Variants in SUGCT observed in about 807,000 individuals in gnomAD.
The protein encoded by SUGCT is succinyl-CoA:glutarate CoA-transferase.
A neutral mutation model predicts 55.0 loss-of-function variants in SUGCT; 41 were observed. The observed-to-expected ratio is 0.74, with a 90% CI of 0.58 to 0.97. SUGCT has a LOEUF of 0.97. Ranked by LOEUF, SUGCT falls within the 50% of genes least tolerant of loss-of-function variation. The probability of loss-of-function intolerance (pLI) is 0.00; values close to 1 mark genes in which losing one functional copy is unlikely to be tolerated. For missense variants in SUGCT, 568 were observed against 547.8 expected, an observed-to-expected ratio of 1.04 and a Z score of -0.37; for synonymous variants, 187 against 200.4, an observed-to-expected ratio of 0.93 and a Z score of 0.56.
Position 40,180,955 on chromosome 7 carries a change from A to G in SUGCT, c.109A>G (p.Asn37Asp). The G allele has an allele frequency of 1.2e-6, 2 of 1,608,392 alleles. No individual in the cohort carries two copies. Among genetic ancestry groups the G allele is most frequent in the Non-Finnish European group, 1.7e-6 (2 of 1,175,216 alleles). The change falls in exon 2 of 14, where the codon AAT becomes GAT. Residue 37 changes from asparagine to aspartate, a missense_variant. Asn to Asp is a conservative substitution (Grantham distance 23, BLOSUM62 1). Coordinates refer to ENST00000335693, the MANE Select transcript of SUGCT (RefSeq NM_001193313.2). ...TTTCTCTGTTTTGCCAGATATGAAC[A>G]ATATAAAGCCATTGGAAGGGGTAAA... ...WTGRPQSDMN[N>D]IKPLEGVKIL...
chr7:41,002,066 G>T, the SUGCT span, among the ~76,000 whole-genome samples: 4 of 152,146 alleles, frequency 2.6e-5, no homozygotes, highest in African/African-American at 9.7e-5. Context: ...TGTTGCCAAG[G>T]CTGGAGTGCG....
intron 7 of SUGCT, among the ~76,000 whole-genome samples, chr7:40,240,996 G>A (rs1371421802): frequency 6.6e-6 from 1 of 152,198 alleles, no homozygotes; most frequent in African/African-American, 2.4e-5. Flanking sequence ...AGTGTCACTG[G>A]ATTATTGTGA....
intron 9 of SUGCT, among the ~76,000 whole-genome samples, chr7:40,442,213 A>C (rs2329775): frequency 0.34 from 51,910 of 151,922 alleles, 9,296 homozygotes; most frequent in African/African-American, 0.4. Context: ...TAATGCTAAT[A>C]TTGTATTCTT....
At chr7:40,922,425 T>G in the SUGCT span, among the ~76,000 whole-genome samples, 1 of 152,208 alleles carries the variant, frequency 6.6e-6, no homozygotes, top group Non-Finnish European at 1.5e-5. Context: ...ATTAGGTGGC[T>G]CTTGCAGTCT....
At chr7:40,651,363 A>G (rs778122868) in intron 12 of SUGCT, among the ~76,000 whole-genome samples, 3 of 150,728 alleles carry the variant, frequency 2.0e-5, no homozygotes, top group African/African-American at 4.9e-5. Flanking sequence ...TCTTTTTTTC[A>G]TGTTTCTTGG....
the SUGCT span, among the ~76,000 whole-genome samples, chr7:40,874,186 AG>A: frequency 9.8e-5 from 15 of 152,334 alleles, no homozygotes; most frequent in Admixed American, 9.8e-4. Context: ...GAAAGTCAAG[AG>A]GGTAATTTTT....
the SUGCT span, among the ~76,000 whole-genome samples, chr7:40,937,188 A>C: frequency 6.6e-6 from 1 of 152,070 alleles, no homozygotes; most frequent in Non-Finnish European, 1.5e-5. Context: ...CACCACCAAG[A>C]GATGAGGTCT....
intron 1 of SUGCT, among the ~76,000 whole-genome samples, chr7:40,137,182 C>A (rs796288725): frequency 1.2e-4 from 19 of 152,162 alleles, no homozygotes; most frequent in African/African-American, 4.3e-4. Flanking sequence ...GGCTGGAGTG[C>A]GGTGGTGAGA....
At chr7:40,169,684 C>T (rs1030798992) in intron 1 of SUGCT, among the ~76,000 whole-genome samples, 6 of 152,064 alleles carry the variant, frequency 3.9e-5, no homozygotes, top group Non-Finnish European at 7.4e-5. Flanking sequence ...CCCAGCCTTT[C>T]GCTTTTCCAA....
chr7:41,017,614 CA>C, the SUGCT span, among the ~76,000 whole-genome samples: 6 of 151,836 alleles, frequency 4.0e-5, no homozygotes, highest in African/African-American at 1.2e-4. Context: ...ACTGAAAATA[CA>C]AAAAACTTAG....
intron 9 of SUGCT, among the ~76,000 whole-genome samples, chr7:40,414,698 G>A (rs896162750): frequency 2.6e-5 from 4 of 151,964 alleles, no homozygotes; most frequent in African/African-American, 9.7e-5. Flanking sequence ...CTTGAGATCA[G>A]GAGTTCGAGA....
At chr7:40,995,073 C>G in the SUGCT span, among the ~76,000 whole-genome samples, 1 of 152,118 alleles carries the variant, frequency 6.6e-6, no homozygotes, top group Non-Finnish European at 1.5e-5. Flanking sequence ...GTCTAAAAAT[C>G]ACGTTCCCTT....
intron 12 of SUGCT, among the ~76,000 whole-genome samples, chr7:40,562,798 T>G (rs1795914020): frequency 6.6e-6 from 1 of 152,168 alleles, no homozygotes; most frequent in Non-Finnish European, 1.5e-5. Flanking sequence ...CTCCAAGGTT[T>G]GTGCTATGCA....
At chr7:40,538,687 G>T (rs1169053348) in intron 12 of SUGCT, 2 of 152,134 alleles carry the variant, frequency 1.3e-5, no homozygotes, top group African/African-American at 4.8e-5. Context: ...TGAGCGTCTG[G>T]GGAAATTTTT....
At chr7:40,822,328 T>G (rs1175179884) in intron 13 of SUGCT, among the ~76,000 whole-genome samples, 1 of 152,172 alleles carries the variant, frequency 6.6e-6, no homozygotes, top group Non-Finnish European at 1.5e-5. Flanking sequence ...TTGTTAACTT[T>G]CTGTCTCGTT....
At chr7:40,822,944 G>A (rs906988536) in intron 13 of SUGCT, among the ~76,000 whole-genome samples, 4 of 152,104 alleles carry the variant, frequency 2.6e-5, no homozygotes, top group Non-Finnish European at 5.9e-5. Context: ...TAAATATTCC[G>A]AAGGGATAGG....
At chr7:40,661,176 A>T (rs532275999) in intron 12 of SUGCT, among the ~76,000 whole-genome samples, 1 of 152,310 alleles carries the variant, frequency 6.6e-6, no homozygotes, top group Non-Finnish European at 1.5e-5. Context: ...CTCTTCTTAA[A>T]TGTTTTTAGC....
At chr7:41,005,373 C>T in the SUGCT span, among the ~76,000 whole-genome samples, 1 of 152,200 alleles carries the variant, frequency 6.6e-6, no homozygotes, top group African/African-American at 2.4e-5. Flanking sequence ...CCCATCCCCC[C>T]ACCCATGAGG....
chr7:40,264,858 G>A (rs1791454517), intron 7 of SUGCT, among the ~76,000 whole-genome samples: 1 of 152,034 alleles, frequency 6.6e-6, no homozygotes, highest in Non-Finnish European at 1.5e-5. Flanking sequence ...GCACTATTGC[G>A]AAGTCATTCT....
Sources: allele counts gnomAD v4.1 joint callset (sites outside exome capture counted in the v4.1 genomes callset), GRCh38; gene constraint gnomAD v4.1.1; transcripts MANE v1.5; gene names NCBI Gene and HGNC (gene_info 2026-07-23, HGNC 2026-07-21).